The following CDH13 variants were observed in gnomAD, a reference collection of about 807,000 sequenced individuals.
CDH13 encodes the protein cadherin-13.
CDH13 carries 24 observed loss-of-function variants against 63.8 expected under a neutral mutation model. The ratio of observed to expected loss-of-function variants is 0.38; its 90% CI spans 0.27 to 0.53. CDH13 has a LOEUF of 0.53. CDH13 is among the 20% of genes least tolerant of loss of function. The pLI, the probability that CDH13 is intolerant of heterozygous loss-of-function variation, is 0.85. For synonymous variants in CDH13, 503 were observed against 355.3 expected (o/e 1.42, Z -4.67); for missense variants, 1,049 against 903.1 (o/e 1.16, Z -2.07).
chr16:83,176,035 A>T (rs2038109043), intron 4 of CDH13, among the ~76,000 whole-genome samples: 1 of 149,204 alleles, frequency 6.7e-6, no homozygotes, highest in African/African-American at 2.5e-5. Flanking sequence ...TTTTCAGTAG[A>T]GACGGGGTTT....
At chr16:83,649,197 G>C (rs946779209) in intron 8 of CDH13, among the ~76,000 whole-genome samples, 10 of 152,192 alleles carry the variant, frequency 6.6e-5, no homozygotes, top group East Asian at 5.8e-4. Flanking sequence ...GCTCCATGTG[G>C]GTTCTATAAA....
At chr16:83,007,026 C>A (rs117529531) in intron 2 of CDH13, among the ~76,000 whole-genome samples, 5 of 151,836 alleles carry the variant, frequency 3.3e-5, no homozygotes, top group African/African-American at 1.2e-4. Flanking sequence ...CGGGCTCAGG[C>A]GATTTTCCTG....
intron 1 of CDH13, among the ~76,000 whole-genome samples, chr16:82,697,290 A>C (rs1363128795): frequency 1.1e-4 from 16 of 152,138 alleles, no homozygotes; most frequent in Admixed American, 1.0e-3. Flanking sequence ...AGTTAATAGC[A>C]CAGTTGATCC....
Position 83,754,051 on chromosome 16 carries a change from C to G in CDH13, c.1681+5801C>G, listed in dbSNP as rs575666997. 1.1e-3 allele frequency among the ~76,000 whole-genome samples: 162 copies of G among 152,060 alleles called. 1 individual carries two copies. The highest frequency in any genetic ancestry group is 3.4e-3 in the Middle Eastern group (1 of 294). On this transcript the variant is annotated intron_variant, in intron 11 of 13. Transcript: ENST00000567109. ...AGGGAAAGAAATTAGAAACGAGTGT[C>G]AGAATCACAGGGAGCTTTTGTGACA...
At chr16:82,824,087 G>C (rs184652440) in intron 1 of CDH13, 2 of 152,246 alleles carry the variant, frequency 1.3e-5, no homozygotes, top group East Asian at 3.9e-4. Context: ...GAAGCAGAGA[G>C]GCTATGAGAT....
At chr16:83,530,844 A>G (rs1320546740) in intron 7 of CDH13, among the ~76,000 whole-genome samples, 2 of 152,212 alleles carry the variant, frequency 1.3e-5, no homozygotes, top group East Asian at 3.9e-4. Flanking sequence ...CCCTTGGCAG[A>G]GAGGAACCCA....
At chr16:82,746,852 C>T (rs1053119143) in intron 1 of CDH13, among the ~76,000 whole-genome samples, 3 of 152,032 alleles carry the variant, frequency 2.0e-5, no homozygotes, top group Non-Finnish European at 2.9e-5. Flanking sequence ...TTTTTTGTAA[C>T]GATCACTTAT....
chr16:82,838,365 G>A (rs190413450), intron 1 of CDH13, among the ~76,000 whole-genome samples: 276 of 152,296 alleles, frequency 1.8e-3, no homozygotes, highest in Middle Eastern at 6.8e-3. Flanking sequence ...GGATGGACAG[G>A]TGGTAGGTGT....
At chr16:82,908,696 C>T (rs1469851639) in intron 2 of CDH13, among the ~76,000 whole-genome samples, 1 of 152,152 alleles carries the variant, frequency 6.6e-6, no homozygotes, top group East Asian at 1.9e-4. Context: ...TACAATCACC[C>T]CTCGGTATCT....
intron 7 of CDH13, among the ~76,000 whole-genome samples, chr16:83,563,728 C>G (rs1369994157): frequency 6.6e-6 from 1 of 152,058 alleles, no homozygotes; most frequent in Non-Finnish European, 1.5e-5. Flanking sequence ...AAAACAGACT[C>G]AGTAGTGTCA....
intron 5 of CDH13, among the ~76,000 whole-genome samples, chr16:83,242,216 T>G (rs1274141997): frequency 6.6e-6 from 1 of 152,212 alleles, no homozygotes; most frequent in Admixed American, 6.5e-5. Flanking sequence ...TACATACAAT[T>G]TTGATTACCA....
At chr16:82,798,324 G>T (rs2036688100) in intron 1 of CDH13, among the ~76,000 whole-genome samples, 1 of 152,196 alleles carries the variant, frequency 6.6e-6, no homozygotes, top group South Asian at 2.1e-4. Context: ...ACTCAGGTCT[G>T]TCTGATTTCA....
At chr16:82,933,900 C>T (rs1251595385) in intron 2 of CDH13, among the ~76,000 whole-genome samples, 1 of 152,238 alleles carries the variant, frequency 6.6e-6, no homozygotes, top group Non-Finnish European at 1.5e-5. Flanking sequence ...TGGCCTTGGG[C>T]AGCTTTGTCC....
At chr16:83,004,713 A>G (rs527306203) in intron 2 of CDH13, among the ~76,000 whole-genome samples, 1 of 152,202 alleles carries the variant, frequency 6.6e-6, no homozygotes, top group Non-Finnish European at 1.5e-5. Context: ...GGCTGGCCTC[A>G]AACTCCTGAC....
chr16:82,663,661 C>G (rs149305601), intron 1 of CDH13, among the ~76,000 whole-genome samples: 1 of 152,156 alleles, frequency 6.6e-6, no homozygotes. Flanking sequence ...TTGTGAAGAT[C>G]CCTTGTACCT....
intron 7 of CDH13, among the ~76,000 whole-genome samples, chr16:83,584,161 C>T (rs1361238935): frequency 6.6e-6 from 1 of 152,000 alleles, no homozygotes; most frequent in Admixed American, 6.6e-5. Flanking sequence ...AACCCCATCT[C>T]TACTAAAAAT....
intron 1 of CDH13, among the ~76,000 whole-genome samples, chr16:82,810,668 C>A (rs1034389704): frequency 2.0e-5 from 3 of 152,088 alleles, no homozygotes; most frequent in African/African-American, 7.2e-5. Flanking sequence ...CAAGGGATTA[C>A]CAGAGAAGAT....
intron 5 of CDH13, among the ~76,000 whole-genome samples, chr16:83,232,227 TAAAA>T (rs1555516432): frequency 1.5e-5 from 1 of 67,626 alleles, no homozygotes; most frequent in Non-Finnish European, 2.7e-5. Flanking sequence ...TTTTTTTTTT[TAAAA>T]AAAAAAAAAA....
At chr16:83,363,105 C>A (rs566740089) in intron 6 of CDH13, among the ~76,000 whole-genome samples, 2 of 152,330 alleles carry the variant, frequency 1.3e-5, no homozygotes, top group Admixed American at 6.5e-5. Context: ...AACCAGGAAT[C>A]TAGAGATGAC....
Sources: allele counts gnomAD v4.1 joint callset (sites outside exome capture counted in the v4.1 genomes callset), GRCh38; gene constraint gnomAD v4.1.1; transcripts MANE v1.5; gene names NCBI Gene and HGNC (gene_info 2026-07-23, HGNC 2026-07-21).